MFSD11: variants seen among roughly 807,000 people sequenced by gnomAD.
The protein encoded by MFSD11 is major facilitator superfamily domain containing 11, also known as UNC93-like protein MFSD11.
A neutral mutation model predicts 53.5 loss-of-function variants in MFSD11; 36 were observed. That is an observed-to-expected ratio of 0.67 (90% CI 0.52 to 0.89). MFSD11 has a LOEUF of 0.89. Ranked by LOEUF, MFSD11 falls within the 40% of genes least tolerant of loss-of-function variation. The probability of loss-of-function intolerance (pLI) is 0.00; values close to 1 mark genes in which losing one functional copy is unlikely to be tolerated. For missense variants in MFSD11, 530 were observed against 543.9 expected (o/e 0.97, Z 0.25); for synonymous variants, 186 against 184.9 (o/e 1.01, Z -0.05).
At chr17:76,790,353 T>G in the MFSD11 span, among the ~76,000 whole-genome samples, 1 of 146,804 alleles carries the variant, frequency 6.8e-6, no homozygotes, top group Admixed American at 6.8e-5. Flanking sequence ...CTTTCTTTTT[T>G]TTTTTTGAGA....
At chr17:76,794,641 CAA>C in the MFSD11 span, among the ~76,000 whole-genome samples, 217 of 65,436 alleles carry the variant, frequency 3.3e-3, 6 homozygotes, top group South Asian at 0.015. Flanking sequence ...AACTCTGTCT[CAA>C]AAAAAAAAAA....
chr17:76,799,991 C>T, the MFSD11 span, among the ~76,000 whole-genome samples: 16 of 142,808 alleles, frequency 1.1e-4, no homozygotes, highest in South Asian at 1.8e-3. Flanking sequence ...AGTCTCCCTC[C>T]GTTGCCCAGG....
chr17:76,762,559 G>A (rs901532975), intron 8 of MFSD11, among the ~76,000 whole-genome samples: 1 of 151,404 alleles, frequency 6.6e-6, no homozygotes, highest in Non-Finnish European at 1.5e-5. Context: ...CCCAGGCTGA[G>A]GCAGGAGAAT....
At chr17:76,756,783 C>A (rs1417556477) in intron 8 of MFSD11, among the ~76,000 whole-genome samples, 1 of 151,520 alleles carries the variant, frequency 6.6e-6, no homozygotes, top group African/African-American at 2.4e-5. Flanking sequence ...TTGCTTGAGC[C>A]TAGGAGGCGG....
chr17:76,773,110 A>G (rs2081514475), intron 10 of MFSD11: 1 of 152,226 alleles, frequency 6.6e-6, no homozygotes, highest in South Asian at 2.1e-4. Context: ...TTATGTACTG[A>G]TCAGTCCTCA....
intron 8 of MFSD11, among the ~76,000 whole-genome samples, chr17:76,759,648 GGGGTTTCACTGTGTTAACCAGGAT>G (rs2080000054): frequency 6.6e-6 from 1 of 151,220 alleles, no homozygotes; most frequent in South Asian, 2.1e-4. Context: ...TGCTAGAGAT[GGGGTTTCACTGTGTTAACCAGGAT>G]GGTCTCGATC....
At chr17:76,794,696 T>G in the MFSD11 span, among the ~76,000 whole-genome samples, 407 of 12,314 alleles carry the variant, frequency 0.033, 37 homozygotes, top group Middle Eastern at 0.053. Context: ...TTTTTTTTTT[T>G]TTTTTTTTTG....
At chr17:76,738,030 G>A, upstream of MFSD11, 1 of 366,338 alleles carries the variant, frequency 2.7e-6, no homozygotes, top group Non-Finnish European at 4.9e-6. Context: ...GGGCCGCGCC[G>A]GCTGCTGCGG....
chr17:76,786,603 C>G, the MFSD11 span, among the ~76,000 whole-genome samples: 3 of 152,088 alleles, frequency 2.0e-5, no homozygotes, highest in South Asian at 6.2e-4. Context: ...CTCTCCAGCC[C>G]GAGGAGTCAC....
At chr17:76,736,851 C>T (rs762284664), upstream of MFSD11, 1 of 1,606,834 alleles carries the variant, frequency 6.2e-7, no homozygotes, top group Non-Finnish European at 8.5e-7. Flanking sequence ...GGTGGCGGTC[C>T]CCGGCGGCTG....
chr17:76,738,298 G>T lies in MFSD11; in HGVS notation c.-55G>T, dbSNP rs1028531924. The T allele has an allele frequency of 8.5e-7, 1 of 1,180,092 alleles. No individual in the cohort carries two copies. Among genetic ancestry groups the T allele is most frequent in the Non-Finnish European group, 1.3e-6 (1 of 793,406 alleles). The allele number at this position is 1,180,092 out of a possible 1,614,324, so 73.1% of individuals were successfully genotyped here. ...TTTCTCCAGGATTGTCAGTGGCTTC[G>T]CCCCGAGGAGAGCTGACTGCCCTGG... On this transcript the variant is annotated 5_prime_UTR_variant, in exon 1 of 13. Transcript: ENST00000685175.
chr17:76,764,530 C>T (rs2080629557), intron 8 of MFSD11, among the ~76,000 whole-genome samples: 1 of 152,202 alleles, frequency 6.6e-6, no homozygotes, highest in Non-Finnish European at 1.5e-5. Context: ...TGGCTTATTT[C>T]ACTTAGCGTA....
the MFSD11 span, among the ~76,000 whole-genome samples, chr17:76,802,673 G>A: frequency 6.6e-6 from 1 of 152,186 alleles, no homozygotes; most frequent in Non-Finnish European, 1.5e-5. Flanking sequence ...AAGGTCAGGA[G>A]TTCAAGACCA....
chr17:76,767,418 A>G lies in MFSD11; in HGVS notation c.715A>G (p.Met239Val). 1 of 1,603,364 alleles carries G rather than the reference A, an allele frequency of 6.2e-7. No homozygotes were observed. The highest frequency in any genetic ancestry group is 1.1e-5 in the South Asian group (1 of 90,464). Residue 239 changes from methionine (M) to valine (V), a missense_variant, in exon 9 of 13, where the codon ATG (methionine) becomes GTG (valine). Physicochemically the swap from Met to Val is conservative, Grantham distance 21. Coordinates refer to ENST00000685175, the MANE Select transcript of MFSD11 (RefSeq NM_001242532.5). ...KSFKLCVTKE[M>V]LLLSITTAYT... ...TTTTAAGTTATGTGTCACCAAGGAG[A>G]TGCTCCTTCTTAGTATTACAACTGC...
At chr17:76,737,240 G>A (rs772956369), upstream of MFSD11, 2 of 1,456,518 alleles carry the variant, frequency 1.4e-6, no homozygotes, top group East Asian at 2.5e-5. Flanking sequence ...GCGCCTCTCA[G>A]GCAGTTGCCT....
At chr17:76,767,543 C>A in intron 9 of MFSD11, 92 bp downstream of exon 9, 1 of 796,466 alleles carries the variant, frequency 1.3e-6, no homozygotes, top group Non-Finnish European at 2.1e-6. Context: ...CAATTCTGTG[C>A]AGTGACTGGA....
upstream of MFSD11, chr17:76,737,113 G>A (rs1289391142): frequency 1.9e-6 from 3 of 1,608,692 alleles, no homozygotes; most frequent in Non-Finnish European, 2.5e-6. Flanking sequence ...TGTCCACCTT[G>A]AGGGAGGTCA....
In MFSD11 at chr17:76,766,592, C is replaced by T. The variant is rs145435781; in HGVS notation, c.683-794C>T. Among the ~76,000 whole-genome samples, 5 of 151,948 alleles carry T rather than the reference C, an allele frequency of 3.3e-5. No individual in the cohort carries two copies. The East Asian group carries it at 9.7e-4, about 29-fold the overall frequency. On this transcript the variant is annotated intron_variant, in intron 8 of 12. Transcript: ENST00000685175. Reference sequence around the variant, plus strand: ...TACAAAATGTCTTCTTATATTTATTCTTAGTATAGTTCAGTGAAATTAGAG... The same window carrying T: ...TACAAAATGTCTTCTTATATTTATTTTTAGTATAGTTCAGTGAAATTAGAG...
the MFSD11 span, among the ~76,000 whole-genome samples, chr17:76,789,251 T>G: frequency 6.7e-6 from 1 of 150,186 alleles, no homozygotes; most frequent in Admixed American, 6.6e-5. Flanking sequence ...TGTTCAGCCT[T>G]GGGCTTGGGG....
Sources: gnomAD v4.1 joint callset for allele counts (sites outside exome capture counted in the v4.1 genomes callset) on GRCh38, gnomAD v4.1.1 for gene constraint, MANE v1.5 for transcripts, NCBI Gene and HGNC (gene_info 2026-07-23, HGNC 2026-07-21) for gene names.